PFKFB3: variants seen among roughly 807,000 people sequenced by gnomAD.
The protein encoded by PFKFB3 is 6-phosphofructo-2-kinase/fructose-2,6-bisphosphatase 3.
PFKFB3 carries 33 observed loss-of-function variants against 68.0 expected under a neutral mutation model. That is an observed-to-expected ratio of 0.49 (90% CI 0.37 to 0.65). The LOEUF (loss-of-function observed/expected upper bound fraction) is 0.65. Ranked by LOEUF, PFKFB3 falls within the 30% of genes least tolerant of loss-of-function variation. The pLI, the probability that PFKFB3 is intolerant of heterozygous loss-of-function variation, is 0.00. For synonymous variants in PFKFB3, 315 were observed against 288.2 expected (o/e 1.09, Z -0.94); for missense variants, 586 against 712.2 (o/e 0.82, Z 2.02).
intron 1 of PFKFB3, among the ~76,000 whole-genome samples, chr10:6,182,127 T>C (rs1842730249): frequency 6.6e-6 from 1 of 152,226 alleles, no homozygotes; most frequent in South Asian, 2.1e-4. Flanking sequence ...CTGAGGTCCC[T>C]GGCTTCTGGC....
the PFKFB3 span, among the ~76,000 whole-genome samples, chr10:6,269,372 T>C: frequency 6.6e-6 from 1 of 152,180 alleles, no homozygotes; most frequent in African/African-American, 2.4e-5. Context: ...TTGCCCAGGC[T>C]GGTCTTGAAC....
the PFKFB3 span, among the ~76,000 whole-genome samples, chr10:6,279,457 C>T: frequency 6.6e-6 from 1 of 152,190 alleles, no homozygotes; most frequent in Non-Finnish European, 1.5e-5. Flanking sequence ...TTTATTTTTC[C>T]TGTTCATCAT....
At chr10:6,289,362 A>G in the PFKFB3 span, among the ~76,000 whole-genome samples, 1 of 151,868 alleles carries the variant, frequency 6.6e-6, no homozygotes, top group Non-Finnish European at 1.5e-5. Flanking sequence ...TCTTTAATCC[A>G]TCTTGAATTA....
At chr10:6,206,517 CAGTAGGGGCGG>C in intron 1 of PFKFB3, among the ~76,000 whole-genome samples, 1 of 133,822 alleles carries the variant, frequency 7.5e-6, no homozygotes, top group African/African-American at 3.4e-5. Flanking sequence ...CCTCACTTCC[CAGTAGGGGCGG>C]CCGGGCAGAG....
chr10:6,215,459 G>GT lies in PFKFB3; in HGVS notation c.299+143dup. ...AAGGCTGGGCTGCGGGGCTGCGGGTGTAAGGCTGGGCTGCGGGCTTGGGCT... is the reference window on the plus strand; with the variant it reads ...AAGGCTGGGCTGCGGGGCTGCGGGTGTTAAGGCTGGGCTGCGGGCTTGGGCT... On this transcript the variant is annotated intron_variant, in intron 3 of 14. Coordinates refer to ENST00000379775, the MANE Select transcript of PFKFB3 (RefSeq NM_004566.4). This position sits in a 1 kb window ranked among gnomAD's most constrained non-coding sequence, Gnocchi z 4.3. The GT allele has an allele frequency of 1.5e-6, 1 of 666,062 alleles. No homozygotes were observed. The highest frequency in any genetic ancestry group is 2.6e-6 in the Non-Finnish European group (1 of 377,732). 41.3% of individuals were successfully genotyped at this position (666,062 alleles called of 1,614,324 possible).
Position 6,221,403 on chromosome 10 carries a change from T to C in PFKFB3, c.854T>C (p.Phe285Ser). ...GKKFASALSK[F>S]VEEQNLKDLR... ...CAGTTTGCCAGTGCTCTGAGCAAGT[T>C]CGTGGAGGAGCAGAACCTGAAGGAC... is the stretch of plus-strand genomic sequence containing the variant. Residue 285 changes from phenylalanine to serine, a missense_variant, in exon 9 of 15, where the codon TTC becomes TCC. Physicochemically the swap from Phe to Ser is radical, Grantham distance 155. Transcript: ENST00000379775. 6.2e-7 allele frequency: 1 copy of C among 1,613,868 alleles called. No homozygotes were observed. Among genetic ancestry groups the C allele is most frequent in the Non-Finnish European group, 8.5e-7 (1 of 1,179,996 alleles).
the PFKFB3 span, among the ~76,000 whole-genome samples, chr10:6,277,136 G>A: frequency 1.3e-5 from 2 of 152,142 alleles, no homozygotes; most frequent in Non-Finnish European, 2.9e-5. Flanking sequence ...ATCTCATGTT[G>A]AAATGTAATC....
At chr10:6,201,902 A>G (rs1189974946), upstream of PFKFB3, among the ~76,000 whole-genome samples, 3 of 152,250 alleles carry the variant, frequency 2.0e-5, no homozygotes, top group East Asian at 5.8e-4. The surrounding 1 kb of genome is among the most constrained non-coding windows in gnomAD (Gnocchi z 4.1). Context: ...ACAAGTCGCG[A>G]GCTGGTGCAA....
intron 5 of PFKFB3, among the ~76,000 whole-genome samples, 161 bp from the exon 6 acceptor site, chr10:6,216,974 A>G (rs2765827): frequency 0.89 from 135,737 of 152,152 alleles, 62,582 homozygotes; most frequent in East Asian, 1. Flanking sequence ...CTTGGGGGCC[A>G]TGGGGCGTTC....
the PFKFB3 span, among the ~76,000 whole-genome samples, chr10:6,318,264 T>C: frequency 1.8e-4 from 27 of 152,306 alleles, no homozygotes; most frequent in African/African-American, 6.5e-4. Context: ...TGGGAGCAGA[T>C]GCATCTTGGA....
chr10:6,196,646 C>G (rs1378553470), intron 1 of PFKFB3, among the ~76,000 whole-genome samples: 1 of 152,196 alleles, frequency 6.6e-6, no homozygotes, highest in African/African-American at 2.4e-5. Context: ...TTTCCACGGT[C>G]TTCTGCCTGC....
In PFKFB3 at chr10:6,249,156, A is replaced by C. The variant is rs1846321957; in HGVS notation, c.1516-5022A>C. 3.3e-5 allele frequency among the ~76,000 whole-genome samples: 5 copies of C among 150,204 alleles called. No homozygotes were observed. The Admixed American group carries it at 3.3e-4, about 10-fold the overall frequency. ...GCCATTGCACTCCAGCCTAGGCAAC[A>C]AGAGCAAAACTCCGTCTCAATTAAA... On this transcript the variant is annotated intron_variant, in intron 14 of 14. Coordinates refer to the PFKFB3 transcript ENST00000640683.
chr10:6,315,853 T>A, the PFKFB3 span, among the ~76,000 whole-genome samples: 9 of 152,246 alleles, frequency 5.9e-5, no homozygotes, highest in South Asian at 2.1e-4. Context: ...TACTACATAA[T>A]ACATACTGTA....
chr10:6,224,598 A>G (rs1845199763), intron 13 of PFKFB3: 1 of 411,662 alleles, frequency 2.4e-6, no homozygotes, highest in Non-Finnish European at 4.8e-6. Context: ...CTCCCGCCTC[A>G]GCCTCCCGCG....
intron 14 of PFKFB3, 72 bp downstream of exon 14, chr10:6,226,437 G>C: frequency 1.4e-6 from 2 of 1,450,202 alleles, no homozygotes; most frequent in Admixed American, 2.1e-5. Context: ...CTGGGATTGC[G>C]TGCGTGTGTG....
At chr10:6,217,330 T>C in intron 6 of PFKFB3, 139 bp downstream of exon 6, 1 of 779,098 alleles carries the variant, frequency 1.3e-6, no homozygotes, top group Non-Finnish European at 2.2e-6. Flanking sequence ...TGGCTGTTGA[T>C]TGGGAGGTCA....
chr10:6,156,476 C>T (rs1290562250), intron 1 of PFKFB3, among the ~76,000 whole-genome samples: 1 of 144,018 alleles, frequency 6.9e-6, no homozygotes, highest in Non-Finnish European at 1.5e-5. Flanking sequence ...AGCAAATTCA[C>T]TTTAAATTAA....
At chr10:6,251,116 A>G (rs944110649) in intron 14 of PFKFB3, among the ~76,000 whole-genome samples, 1 of 152,260 alleles carries the variant, frequency 6.6e-6, no homozygotes, top group Non-Finnish European at 1.5e-5. Flanking sequence ...GGAAAACCCA[A>G]AATATATTTT....
chr10:6,226,087 T>C, intron 13 of PFKFB3, 105 bp from the exon 14 acceptor site: 1 of 1,047,470 alleles, frequency 9.5e-7, no homozygotes, highest in Non-Finnish European at 1.4e-6. Flanking sequence ...CGGTCAGTCT[T>C]TTTGCCTCTC....
Sources: gnomAD v4.1 joint callset for allele counts (sites outside exome capture counted in the v4.1 genomes callset) on GRCh38, gnomAD v4.1.1 for gene constraint, Gnocchi (gnomAD v3.1) non-coding constraint, MANE v1.5 for transcripts, NCBI Gene and HGNC (gene_info 2026-07-23, HGNC 2026-07-21) for gene names.